PLGRKT: variants seen among roughly 807,000 people sequenced by gnomAD.
PLGRKT encodes plasminogen receptor with a C-terminal lysine.
PLGRKT carries 22 observed loss-of-function variants against 18.5 expected under a neutral mutation model. The ratio of observed to expected loss-of-function variants is 1.19; its 90% CI spans 0.85 to 1.70. PLGRKT has a LOEUF of 1.70. Among genes scored for constraint, PLGRKT ranks in the 40% most tolerant of loss-of-function variants. The probability of loss-of-function intolerance (pLI) is 0.00; values close to 1 mark genes in which losing one functional copy is unlikely to be tolerated. For synonymous variants in PLGRKT, 72 were observed against 52.8 expected (o/e 1.36, Z -1.58); for missense variants, 235 against 174.4 (o/e 1.35, Z -1.96).
At position 5,436,662 on chromosome 9, in the gene PLGRKT, C is replaced by G. The variant is rs991761467; in HGVS notation, c.-100G>C. 6.6e-6 allele frequency: 1 copy of G among 152,198 alleles called. No homozygotes were observed. The highest frequency in any genetic ancestry group is 2.4e-5 in the African/African-American group (1 of 41,434). The allele number at this position is 152,198 out of a possible 1,614,324, so 9.4% of individuals were successfully genotyped here. Reference sequence around the variant, plus strand: ...GGAAGGGTTAAAGGTGGAAGCCAAGCAGGAAGAAGAGCTTCCTTATGGGAA... The same window carrying G: ...GGAAGGGTTAAAGGTGGAAGCCAAGGAGGAAGAAGAGCTTCCTTATGGGAA... On this transcript the variant is annotated 5_prime_UTR_variant, in exon 2 of 6. Transcript: ENST00000223864.
intron 3 of PLGRKT, among the ~76,000 whole-genome samples, chr9:5,411,043 T>C (rs946472009): frequency 6.6e-5 from 10 of 151,728 alleles, no homozygotes; most frequent in Non-Finnish European, 1.2e-4. Flanking sequence ...AAAGAAAAAA[T>C]GGAGTAGTCA....
chr9:5,367,936 A>G (rs1817431052), intron 3 of PLGRKT, among the ~76,000 whole-genome samples: 1 of 152,236 alleles, frequency 6.6e-6, no homozygotes, highest in African/African-American at 2.4e-5. Flanking sequence ...AAGGACATGA[A>G]CAGACACTTC....
At chr9:5,382,834 T>A (rs1401245591) in intron 3 of PLGRKT, among the ~76,000 whole-genome samples, 2 of 152,000 alleles carry the variant, frequency 1.3e-5, no homozygotes, top group African/African-American at 4.8e-5. Context: ...AAGAAGTAGA[T>A]GGGCACCAAA....
At chr9:5,405,340 C>T (rs1401934506) in intron 3 of PLGRKT, among the ~76,000 whole-genome samples, 1 of 152,180 alleles carries the variant, frequency 6.6e-6, no homozygotes. Context: ...AGGAATCATG[C>T]TACCTGACTT....
intron 2 of PLGRKT, among the ~76,000 whole-genome samples, chr9:5,433,523 C>A (rs1818880812): frequency 6.7e-6 from 1 of 149,856 alleles, no homozygotes; most frequent in African/African-American, 2.5e-5. Context: ...TGAGGAGCGC[C>A]TTTGCCCGGC....
intron 3 of PLGRKT, among the ~76,000 whole-genome samples, chr9:5,378,555 A>G (rs1314090655): frequency 3.3e-5 from 5 of 152,262 alleles, no homozygotes; most frequent in Admixed American, 3.3e-4. Context: ...GATAGTGGCT[A>G]TCCTTAAGTG....
intron 3 of PLGRKT, among the ~76,000 whole-genome samples, chr9:5,367,245 T>C (rs1175150115): frequency 6.6e-6 from 1 of 152,044 alleles, no homozygotes; most frequent in East Asian, 1.9e-4. Context: ...AAAAAAACTT[T>C]TCTAAAATTC....
At chr9:5,375,005 G>A (rs1041359484) in intron 3 of PLGRKT, among the ~76,000 whole-genome samples, 3 of 152,182 alleles carry the variant, frequency 2.0e-5, no homozygotes, top group East Asian at 3.9e-4. Context: ...TTTAATCCCT[G>A]TAGACACTCA....
chr9:5,364,966 A>G (rs1174742272), intron 3 of PLGRKT, among the ~76,000 whole-genome samples: 9 of 152,228 alleles, frequency 5.9e-5, no homozygotes, highest in Admixed American at 5.9e-4. Flanking sequence ...ATGCATATCT[A>G]TATGCATGCA....
chr9:5,408,421 G>A (rs1432559871), intron 3 of PLGRKT, among the ~76,000 whole-genome samples: 1 of 152,224 alleles, frequency 6.6e-6, no homozygotes, highest in Non-Finnish European at 1.5e-5. Flanking sequence ...GCAACTTCGA[G>A]CTTGAGAGTG....
At chr9:5,378,280 C>T (rs191240191) in intron 3 of PLGRKT, among the ~76,000 whole-genome samples, 2 of 152,202 alleles carry the variant, frequency 1.3e-5, no homozygotes, top group East Asian at 1.9e-4. Context: ...GCAGCCCAAG[C>T]GATGAGAACC....
intron 3 of PLGRKT, among the ~76,000 whole-genome samples, chr9:5,424,622 A>T (rs1334127222): frequency 7.7e-6 from 1 of 130,390 alleles, no homozygotes; most frequent in Non-Finnish European, 1.6e-5. Context: ...TTATTATATT[A>T]TATTATATTA....
chr9:5,407,001 A>C (rs2131136980), intron 3 of PLGRKT, among the ~76,000 whole-genome samples: 1 of 152,324 alleles, frequency 6.6e-6, no homozygotes, highest in East Asian at 1.9e-4. Flanking sequence ...AGAGTGTTTC[A>C]GGAAAGAAAA....
At chr9:5,385,940 G>A (rs78932150) in intron 3 of PLGRKT, among the ~76,000 whole-genome samples, 37 of 151,706 alleles carry the variant, frequency 2.4e-4, no homozygotes, top group Non-Finnish European at 4.7e-4. Context: ...CACAGTTATG[G>A]GTCAATAAAT....
At chr9:5,385,084 C>A (rs1817817184) in intron 3 of PLGRKT, among the ~76,000 whole-genome samples, 2 of 151,990 alleles carry the variant, frequency 1.3e-5, no homozygotes, top group Non-Finnish European at 2.9e-5. Flanking sequence ...ACCTTCCAGG[C>A]CATTGTAAGT....
chr9:5,394,684 A>G (rs1479200739), intron 3 of PLGRKT, among the ~76,000 whole-genome samples: 2 of 151,976 alleles, frequency 1.3e-5, no homozygotes, highest in African/African-American at 4.9e-5. Flanking sequence ...AAGTGCTGGG[A>G]TTACAGGCGT....
intron 3 of PLGRKT, among the ~76,000 whole-genome samples, chr9:5,417,126 A>G (rs1368657390): frequency 1.3e-5 from 2 of 152,226 alleles, no homozygotes; most frequent in Non-Finnish European, 1.5e-5. Context: ...AAGACACAGC[A>G]GGTTGCCACT....
intron 3 of PLGRKT, among the ~76,000 whole-genome samples, chr9:5,393,707 A>AT (rs1457555859): frequency 6.6e-6 from 1 of 151,692 alleles, no homozygotes; most frequent in Non-Finnish European, 1.5e-5. Context: ...TGAGGTTTCT[A>AT]TTTTTTTAAT....
Position 5,427,417 on chromosome 9 carries a change from G to GA in PLGRKT, c.81+4479dup, listed in dbSNP as rs367884089. Among the ~76,000 whole-genome samples the GA allele has an allele frequency of 2.1e-3, 306 of 148,682 alleles. 2 individuals carry two copies. Among genetic ancestry groups the GA allele is most frequent in the Middle Eastern group, 6.9e-3 (2 of 290 alleles). On this transcript the variant is annotated intron_variant, in intron 3 of 5. Coordinates refer to ENST00000223864, the MANE Select transcript of PLGRKT (RefSeq NM_018465.4). ...GTGAAAGAGTGGAAGTTCTCAATAT[G>GA]AAAAAAAAAATCATATGCCAAGGTT...
Sources: allele counts gnomAD v4.1 joint callset (sites outside exome capture counted in the v4.1 genomes callset), GRCh38; gene constraint gnomAD v4.1.1; transcripts MANE v1.5; gene names NCBI Gene and HGNC (gene_info 2026-07-23, HGNC 2026-07-21).